Variants in ANO2 observed in about 807,000 individuals in gnomAD.
ANO2 encodes the protein anoctamin 2.
In ANO2, 101 loss-of-function variants were observed where a neutral mutation model predicts 124.2. The observed-to-expected ratio is 0.81, with a 90% CI of 0.69 to 0.96. The LOEUF is 0.96. ANO2 is among the 40% of genes least tolerant of loss of function. ANO2 has a pLI of 0.00. For missense variants in ANO2, 1,293 were observed against 1,274.5 expected (o/e 1.01, Z -0.22); for synonymous variants, 486 against 482.5 (o/e 1.01, Z -0.09).
At chr12:5,678,056 C>A (rs1158551685) in intron 14 of ANO2, among the ~76,000 whole-genome samples, 1 of 152,158 alleles carries the variant, frequency 6.6e-6, no homozygotes, top group African/African-American at 2.4e-5. Context: ...CAGCTTCCCA[C>A]CCTTAAGCCA....
At chr12:5,625,666 G>A (rs1329653597) in intron 16 of ANO2, among the ~76,000 whole-genome samples, 2 of 152,186 alleles carry the variant, frequency 1.3e-5, no homozygotes, top group South Asian at 2.1e-4. Context: ...TGTTTGAACC[G>A]AGAATCATCC....
chr12:5,679,239 C>T (rs777503478), intron 14 of ANO2, among the ~76,000 whole-genome samples: 3 of 152,072 alleles, frequency 2.0e-5, no homozygotes, highest in South Asian at 2.1e-4. Context: ...AAAGATTTCA[C>T]GATGAAAATG....
intron 5 of ANO2, among the ~76,000 whole-genome samples, chr12:5,831,588 C>A (rs918962473): frequency 6.6e-6 from 1 of 152,098 alleles, no homozygotes; most frequent in African/African-American, 2.4e-5. Context: ...CCCGCCACCA[C>A]GCAAGGGGAC....
intron 4 of ANO2, among the ~76,000 whole-genome samples, chr12:5,848,799 C>T (rs781235151): frequency 6.6e-6 from 1 of 152,204 alleles, no homozygotes; most frequent in Non-Finnish European, 1.5e-5. Context: ...GGCCTGCTTC[C>T]CCCAACATTG....
chr12:5,905,948 C>T (rs1004128925), intron 3 of ANO2, among the ~76,000 whole-genome samples: 6 of 152,166 alleles, frequency 3.9e-5, no homozygotes, highest in East Asian at 3.8e-4. Context: ...CATCCCACCC[C>T]GGCTTCTAGC....
intron 1 of ANO2, among the ~76,000 whole-genome samples, chr12:5,935,344 C>T (rs929737559): frequency 2.0e-5 from 3 of 152,126 alleles, no homozygotes; most frequent in Admixed American, 6.5e-5. Flanking sequence ...ATGTGAAAGT[C>T]GAGAGGATTG....
At chr12:5,790,278 G>A (rs187063628) in intron 10 of ANO2, among the ~76,000 whole-genome samples, 207 of 152,280 alleles carry the variant, frequency 1.4e-3, no homozygotes, top group Middle Eastern at 6.8e-3. Flanking sequence ...CTGCCCAGCT[G>A]GGAATACGAG....
At chr12:5,587,842 C>T (rs1337878814) in intron 20 of ANO2, among the ~76,000 whole-genome samples, 1 of 152,140 alleles carries the variant, frequency 6.6e-6, no homozygotes, top group African/African-American at 2.4e-5. Context: ...TCAGGCTGAT[C>T]CCAGCCTCCC....
chr12:5,589,590 G>C (rs963347251), intron 20 of ANO2, among the ~76,000 whole-genome samples: 6 of 152,196 alleles, frequency 3.9e-5, no homozygotes, highest in Non-Finnish European at 7.3e-5. Context: ...CCCTGGCGGG[G>C]GGGTGCTGGG....
chr12:5,908,373 C>T lies in ANO2; in HGVS notation c.534+12667G>A, dbSNP rs1236514104. 6.6e-6 allele frequency among the ~76,000 whole-genome samples: 1 copy of T among 152,236 alleles called. No homozygotes were observed. The highest frequency in any genetic ancestry group is 1.5e-5 in the Non-Finnish European group (1 of 68,048). ...ACGGTCAAACAGACCTCAGCCCTTACCACCTGAGAATAATCAATTCCTGAG... is the reference window on the plus strand; with the variant it reads ...ACGGTCAAACAGACCTCAGCCCTTATCACCTGAGAATAATCAATTCCTGAG... On this transcript the variant is annotated intron_variant, in intron 3 of 24. Transcript: ENST00000682330. The surrounding 1 kb of genome is among the most constrained non-coding windows in gnomAD (Gnocchi z 4.7).
Position 5,750,888 on chromosome 12 carries a change from C to G in ANO2, c.1138G>C (p.Gly380Arg), listed in dbSNP as rs1227523305. The G allele has an allele frequency of 6.2e-7, 1 of 1,612,590 alleles. No homozygotes were observed. Among genetic ancestry groups the G allele is most frequent in the Non-Finnish European group, 8.5e-7 (1 of 1,179,264 alleles). ...CATCCATAAAGAAACACAATCACTC[C>G]AATTACAGAAGATGGGATGAGGAAT... ...TSFLIPSSVI[G>R]VIVFLYGCAT... is the part of the protein sequence containing the mutation. Residue 380 changes from glycine (G) to arginine (R), a missense_variant, in exon 11 of 25, where the codon GGA becomes CGA. By Grantham distance (125) the Gly-to-Arg change is moderately radical. Coordinates refer to ENST00000682330, the MANE Select transcript of ANO2 (RefSeq NM_001364791.2).
chr12:5,655,967 G>A (rs973321243), intron 14 of ANO2, among the ~76,000 whole-genome samples: 1 of 152,234 alleles, frequency 6.6e-6, no homozygotes, highest in Non-Finnish European at 1.5e-5. Context: ...GAGAGTTCAA[G>A]TAAGTTAAGA....
intron 14 of ANO2, among the ~76,000 whole-genome samples, chr12:5,665,360 C>T (rs1355219771): frequency 1.3e-5 from 2 of 152,170 alleles, no homozygotes. Flanking sequence ...CATCCATCTC[C>T]GACTCCACTG....
chr12:5,879,646 T>C (rs1387946397), intron 3 of ANO2, among the ~76,000 whole-genome samples: 1 of 152,152 alleles, frequency 6.6e-6, no homozygotes, highest in Admixed American at 6.5e-5. Flanking sequence ...AGACAATGCT[T>C]GAGCTAAGAC....
chr12:5,846,251 C>A (rs1281946449), intron 4 of ANO2, among the ~76,000 whole-genome samples: 1 of 152,148 alleles, frequency 6.6e-6, no homozygotes, highest in African/African-American at 2.4e-5. Context: ...CCATTCATAA[C>A]AACGTGAGCC....
intron 1 of ANO2, among the ~76,000 whole-genome samples, chr12:5,931,188 A>G (rs542144634): frequency 1.3e-5 from 2 of 150,790 alleles, no homozygotes; most frequent in African/African-American, 4.9e-5. Context: ...AGGGTCTTTC[A>G]TGATCGAGTC....
chr12:5,897,389 T>C (rs1939861987), intron 3 of ANO2, among the ~76,000 whole-genome samples: 1 of 152,032 alleles, frequency 6.6e-6, no homozygotes, highest in African/African-American at 2.4e-5. Flanking sequence ...TGGCCACCCA[T>C]ACAAGAGCAT....
Position 5,694,251 on chromosome 12 carries a change from C to CAGACAGAGAGAGAGAG in ANO2, c.1545+38268_1545+38269insCTCTCTCTCTCTGTCT, listed in dbSNP as rs1555137018. Among the ~76,000 whole-genome samples the CAGACAGAGAGAGAGAG allele has an allele frequency of 1.6e-3, 212 of 133,952 alleles. 1 individual carries two copies. The highest frequency in any genetic ancestry group is 5.7e-3 in the African/African-American group (193 of 34,116). The allele number at this position is 133,952 out of a possible 152,430, so 87.9% of individuals were successfully genotyped here. On this transcript the variant is annotated intron_variant, in intron 14 of 24. Transcript: ENST00000682330. Reference sequence around the variant, plus strand: ...CCTTAGCAGAAGGGTTTACCAGAGACAGAGAGAGAGAGAGAGAGAGAGAGA... The same window carrying CAGACAGAGAGAGAGAG: ...CCTTAGCAGAAGGGTTTACCAGAGACAGACAGAGAGAGAGAGAGAGAGAGAGAGAGAGAGAGAGAGA...
At chr12:5,812,369 GAAAA>G (rs1169944620) in intron 7 of ANO2, among the ~76,000 whole-genome samples, 11 of 109,680 alleles carry the variant, frequency 1.0e-4, no homozygotes, top group African/African-American at 4.1e-4. Flanking sequence ...GAGAGAGAAA[GAAAA>G]AGAAAGAAAG....
Sources: allele counts gnomAD v4.1 joint callset (sites outside exome capture counted in the v4.1 genomes callset), GRCh38; gene constraint gnomAD v4.1.1; non-coding constraint Gnocchi (gnomAD v3.1); transcripts MANE v1.5; gene names NCBI Gene and HGNC (gene_info 2026-07-23, HGNC 2026-07-21).